AMMECR1: variants seen among roughly 807,000 people sequenced by gnomAD.
AMMECR1 encodes the protein AMMECR nuclear protein 1, also known as nuclear protein AMMECR1.
In AMMECR1, 3 loss-of-function variants were observed where a neutral mutation model predicts 22.5. The ratio of observed to expected loss-of-function variants is 0.13; its 90% CI spans 0.06 to 0.35. AMMECR1 has a LOEUF of 0.35. Ranked by LOEUF, AMMECR1 falls within the 10% of genes least tolerant of loss-of-function variation. AMMECR1 has a pLI of 1.00. For synonymous variants in AMMECR1, 130 were observed against 116.7 expected (o/e 1.11, Z -0.74); for missense variants, 235 against 278.7 (o/e 0.84, Z 1.12).
At chrX:110,248,587 C>G (rs1022644697) in intron 2 of AMMECR1, among the ~76,000 whole-genome samples, 12 of 111,705 alleles carry the variant, frequency 1.1e-4, no homozygotes, top group African/African-American at 3.9e-4. Flanking sequence ...ATCATTTGTT[C>G]TATCAAAAAC....
At chrX:110,340,084 A>G (rs2068158563) in intron 2 of AMMECR1, among the ~76,000 whole-genome samples, 1 of 108,495 alleles carries the variant, frequency 9.2e-6, no homozygotes, top group Admixed American at 1.0e-4. Flanking sequence ...TGGCTCCACT[A>G]CTTACTAGCT....
upstream of AMMECR1, among the ~76,000 whole-genome samples, chrX:110,319,092 T>C (rs1468809537): frequency 2.7e-5 from 3 of 112,599 alleles, no homozygotes; most frequent in Non-Finnish European, 5.6e-5. Flanking sequence ...AAGTATATAA[T>C]TAGCTCTTAA....
At chrX:110,341,379 AT>A (rs2068163387) in intron 2 of AMMECR1, among the ~76,000 whole-genome samples, 1 of 112,814 alleles carries the variant, frequency 8.9e-6, no homozygotes, top group Non-Finnish European at 1.9e-5. Flanking sequence ...ACTCAAATAT[AT>A]AGTAATCCCC....
intron 1 of AMMECR1, among the ~76,000 whole-genome samples, chrX:110,291,796 G>A (rs2067910473): frequency 8.9e-6 from 1 of 111,814 alleles, no homozygotes; most frequent in South Asian, 3.8e-4. Context: ...GTGCCTATGG[G>A]ACTACATCCA....
At chrX:110,378,003 C>T (rs1481133615) in intron 2 of AMMECR1, among the ~76,000 whole-genome samples, 1 of 73,487 alleles carries the variant, frequency 1.4e-5, no homozygotes, top group African/African-American at 8.4e-5. Flanking sequence ...AGCGAGACTC[C>T]GTCTCAAAAA....
chrX:110,316,489 T>C (rs1432484617), intron 1 of AMMECR1, among the ~76,000 whole-genome samples: 2 of 110,768 alleles, frequency 1.8e-5, no homozygotes, highest in Admixed American at 9.6e-5. Context: ...ATAAAAGCAA[T>C]TGCACTTTTT....
At chrX:110,255,605 G>C (rs1602833081) in intron 2 of AMMECR1, among the ~76,000 whole-genome samples, 1 of 111,920 alleles carries the variant, frequency 8.9e-6, no homozygotes, top group East Asian at 2.8e-4. Flanking sequence ...CCTGAAGGTA[G>C]TTGGGTATAG....
chrX:110,429,470 T>TTG lies in AMMECR1; in HGVS notation c.-293-2668_-293-2667insCA, dbSNP rs1569428139. ...TTAGAGAAAAAGTGTTTTTTTTTTT[T>TTG]TTTGTTTTGTTTTTTTGGTTTTTTT... is the stretch of plus-strand genomic sequence containing the variant. On this transcript the variant is annotated intron_variant, in intron 1 of 7. Coordinates refer to the AMMECR1 transcript ENST00000372057. Among the ~76,000 whole-genome samples, 38 of 79,418 alleles carry TTG rather than the reference T, an allele frequency of 4.8e-4. 1 individual carries two copies. The highest frequency in any genetic ancestry group is 4.5e-3 in the African/African-American group (35 of 7,859). 69.0% of individuals were successfully genotyped at this position (79,418 alleles called of 115,157 possible).
intron 1 of AMMECR1, among the ~76,000 whole-genome samples, chrX:110,277,489 G>A (rs2067832124): frequency 9.0e-6 from 1 of 110,684 alleles, no homozygotes; most frequent in Non-Finnish European, 1.9e-5. Context: ...AATGGGTGCA[G>A]CACACCAACA....
chrX:110,406,617 T>C (rs1238813676), intron 2 of AMMECR1, among the ~76,000 whole-genome samples: 1 of 112,135 alleles, frequency 8.9e-6, no homozygotes, highest in Admixed American at 9.4e-5. Context: ...TTTGTGTATA[T>C]GCCCAGTAAT....
At chrX:110,318,205 C>G, upstream of AMMECR1, 7 of 418,740 alleles carry the variant, frequency 1.7e-5, no homozygotes, top group Non-Finnish European at 2.1e-5. Context: ...CCGCTCCCGG[C>G]CCCGTCTGCC....
At chrX:110,250,828 A>G (rs930039849) in intron 2 of AMMECR1, among the ~76,000 whole-genome samples, 23 of 112,146 alleles carry the variant, frequency 2.1e-4, no homozygotes, top group African/African-American at 7.1e-4. Flanking sequence ...TAGATGACTT[A>G]AAAGAATCTC....
chrX:110,226,328 G>A (rs997294863), intron 2 of AMMECR1, among the ~76,000 whole-genome samples: 1 of 111,971 alleles, frequency 8.9e-6, no homozygotes, highest in Non-Finnish European at 1.9e-5. Flanking sequence ...AGAGCTGGTC[G>A]GGCGCAGTGG....
chrX:110,297,565 T>C (rs1310038870), intron 1 of AMMECR1, among the ~76,000 whole-genome samples: 1 of 111,613 alleles, frequency 9.0e-6, no homozygotes, highest in Non-Finnish European at 1.9e-5. Flanking sequence ...CAAGTTAAAA[T>C]ACAACAAATC....
At chrX:110,257,034 C>T (rs1056012103) in intron 2 of AMMECR1, among the ~76,000 whole-genome samples, 1 of 111,705 alleles carries the variant, frequency 9.0e-6, no homozygotes. Context: ...CATTCAGGTC[C>T]TAATGACTCA....
chrX:110,380,097 G>T (rs1471959358), intron 2 of AMMECR1, among the ~76,000 whole-genome samples: 1 of 111,363 alleles, frequency 9.0e-6, no homozygotes. Context: ...TGGTACAGGT[G>T]GTGTTTCAAC....
chrX:110,317,203 G>A (rs762237821), intron 1 of AMMECR1, among the ~76,000 whole-genome samples: 15 of 111,168 alleles, frequency 1.3e-4, no homozygotes, highest in Non-Finnish European at 1.1e-4. Context: ...GAATACTGGC[G>A]GGGCTTTCAC....
chrX:110,354,511 T>C (rs1265479753), intron 2 of AMMECR1, among the ~76,000 whole-genome samples: 3 of 112,215 alleles, frequency 2.7e-5, no homozygotes, highest in Non-Finnish European at 5.6e-5. Context: ...TATTCCACTT[T>C]ATATCAGGAA....
At chrX:110,378,004 G>A (rs1488324480) in intron 2 of AMMECR1, among the ~76,000 whole-genome samples, 1 of 58,482 alleles carries the variant, frequency 1.7e-5, no homozygotes, top group East Asian at 4.9e-4. Context: ...GCGAGACTCC[G>A]TCTCAAAAAA....
Sources: gnomAD v4.1 joint callset for allele counts (sites outside exome capture counted in the v4.1 genomes callset) on GRCh38, gnomAD v4.1.1 for gene constraint, MANE v1.5 for transcripts, NCBI Gene and HGNC (gene_info 2026-07-23, HGNC 2026-07-21) for gene names.